EHMT1: variants seen among roughly 807,000 people sequenced by gnomAD.
EHMT1 encodes the protein euchromatic histone lysine methyltransferase 1.
In EHMT1, 15 loss-of-function variants were observed where a neutral mutation model predicts 147.2. That is an observed-to-expected ratio of 0.10 (90% CI 0.07 to 0.16). The LOEUF is 0.16. Ranked by LOEUF, EHMT1 falls within the 10% of genes least tolerant of loss-of-function variation. The pLI, the probability that EHMT1 is intolerant of heterozygous loss-of-function variation, is 1.00. For synonymous variants in EHMT1, 795 were observed against 709.6 expected (o/e 1.12, Z -1.91); for missense variants, 1,587 against 1,772.4 (o/e 0.90, Z 1.88).
chr9:137,663,447 G>A (rs1939296992), intron 1 of EHMT1, among the ~76,000 whole-genome samples: 1 of 152,038 alleles, frequency 6.6e-6, no homozygotes, highest in African/African-American at 2.4e-5. Flanking sequence ...GTGCTGGAGT[G>A]GACTGCTCAG....
chr9:137,796,857 A>G (rs552396080), intron 16 of EHMT1, among the ~76,000 whole-genome samples: 2 of 134,750 alleles, frequency 1.5e-5, no homozygotes, highest in South Asian at 5.0e-4. Context: ...ATTCCATACA[A>G]CGTAACAGGT....
At chr9:137,817,220 A>T in intron 23 of EHMT1, 1 of 619,002 alleles carries the variant, frequency 1.6e-6, no homozygotes, top group Non-Finnish European at 2.9e-6. Context: ...TGACTTGCCG[A>T]GGTTGTGGGC....
chr9:137,825,971 GTTGTTGAATT>G (rs1359931007), intron 25 of EHMT1, among the ~76,000 whole-genome samples: 1 of 152,152 alleles, frequency 6.6e-6, no homozygotes, highest in African/African-American at 2.4e-5. Context: ...TTCATGAATT[GTTGTTGAATT>G]TTGTTGAACA....
rs541921359 is a variant in EHMT1 at position 137,747,054 on chromosome 9, G to T, written c.1170+2964G>T. 3 of 152,334 alleles carry T rather than the reference G, an allele frequency of 2.0e-5. No homozygotes were observed. In the East Asian group the frequency reaches 5.8e-4, roughly 29 times the overall value. 9.4% of individuals were successfully genotyped at this position (152,334 alleles called of 1,614,324 possible). On this transcript the variant is annotated intron_variant, in intron 6 of 26. Transcript: ENST00000460843. Reference sequence around the variant, plus strand: ...CAATCAACAGTGATAGTTTCGTTACGTAAGTGGCTCCAGAGAATAGAGAAG... The same window carrying T: ...CAATCAACAGTGATAGTTTCGTTACTTAAGTGGCTCCAGAGAATAGAGAAG...
At chr9:137,712,532 G>A (rs774655216) in intron 2 of EHMT1, among the ~76,000 whole-genome samples, 8 of 152,152 alleles carry the variant, frequency 5.3e-5, no homozygotes, top group Non-Finnish European at 8.8e-5. Flanking sequence ...TTTTCCTGAC[G>A]GCCAGTGATG....
chr9:137,711,143 G>GGT, intron 2 of EHMT1, 113 bp downstream of exon 2: 1 of 1,119,128 alleles, frequency 8.9e-7, no homozygotes, highest in Non-Finnish European at 1.3e-6. Context: ...GCTTCACCTA[G>GGT]GTTTATGGTA....
chr9:137,781,777 TA>T (rs1951575489), intron 14 of EHMT1, among the ~76,000 whole-genome samples: 2 of 152,210 alleles, frequency 1.3e-5, no homozygotes, highest in Admixed American at 6.5e-5. Context: ...TATTTGCTTT[TA>T]AAGAAAGGTT....
intron 25 of EHMT1, among the ~76,000 whole-genome samples, chr9:137,829,912 T>A (rs919705047): frequency 6.6e-6 from 1 of 152,228 alleles, no homozygotes; most frequent in African/African-American, 2.4e-5. Flanking sequence ...TTAACAGACA[T>A]TCTTCTGTTT....
intron 1 of EHMT1, among the ~76,000 whole-genome samples, chr9:137,671,727 C>T (rs544925450): frequency 9.2e-5 from 14 of 152,154 alleles, no homozygotes; most frequent in Admixed American, 6.5e-4. Context: ...GGGGTTTTGC[C>T]GTGTTGCCCA....
At chr9:137,778,640 C>T (rs908157156) in intron 13 of EHMT1, among the ~76,000 whole-genome samples, 3 of 152,152 alleles carry the variant, frequency 2.0e-5, no homozygotes, top group Non-Finnish European at 2.9e-5. Context: ...AGGCCCTGCT[C>T]GCTGACCAGA....
At chr9:137,631,560 A>T (rs1843632921) in intron 1 of EHMT1, among the ~76,000 whole-genome samples, 1 of 152,152 alleles carries the variant, frequency 6.6e-6, no homozygotes, top group South Asian at 2.1e-4. Context: ...GGCAGACCAC[A>T]TACATGAAGG....
At position 137,752,316 on chromosome 9, in the gene EHMT1, T is replaced by C. The variant is rs745619662; in HGVS notation, c.1171-15T>C. The C allele has an allele frequency of 6.2e-6, 10 of 1,614,032 alleles. No individual in the cohort carries two copies. The highest frequency in any genetic ancestry group is 2.2e-5 in the East Asian group (1 of 44,874). ...TTTCTGTTTGGGTTCCCGCTTCGACTGTGTGGCTGATCAGATGGACGGGGA... is the reference window on the plus strand; with the variant it reads ...TTTCTGTTTGGGTTCCCGCTTCGACCGTGTGGCTGATCAGATGGACGGGGA... On this transcript the variant is annotated splice_polypyrimidine_tract_variant and intron_variant, in intron 6 of 26. Coordinates refer to ENST00000460843, the MANE Select transcript of EHMT1 (RefSeq NM_024757.5).
intron 25 of EHMT1, among the ~76,000 whole-genome samples, chr9:137,833,885 C>T (rs1588944636): frequency 6.6e-6 from 1 of 152,262 alleles, no homozygotes; most frequent in African/African-American, 2.4e-5. Context: ...GGGGACTGCT[C>T]CGCCTCCTCG....
chr9:137,711,973 G>A (rs548065524), intron 2 of EHMT1, among the ~76,000 whole-genome samples: 136 of 152,258 alleles, frequency 8.9e-4, no homozygotes, highest in Middle Eastern at 3.4e-3. Context: ...AGATGGCCTC[G>A]CTGTGCCTGT....
intron 1 of EHMT1, among the ~76,000 whole-genome samples, chr9:137,655,471 C>T (rs1013667307): frequency 2.0e-5 from 3 of 152,192 alleles, no homozygotes; most frequent in Non-Finnish European, 2.9e-5. Flanking sequence ...AGATAAAATA[C>T]GTTGCATATA....
At chr9:137,717,214 T>A in intron 3 of EHMT1, 32 bp downstream of exon 3, 1 of 1,608,184 alleles carries the variant, frequency 6.2e-7, no homozygotes, top group Non-Finnish European at 8.5e-7. Flanking sequence ...CTGTTTCCTT[T>A]TTCCCATCTC....
At chr9:137,815,848 G>A (rs571354523) in intron 22 of EHMT1, 99 bp from the exon 23 acceptor site, 31 of 1,041,442 alleles carry the variant, frequency 3.0e-5, no homozygotes, top group East Asian at 2.3e-4. Context: ...TTTTATGTCC[G>A]TTTAAGCCAC....
Position 137,775,377 on chromosome 9 carries a change from C to A in EHMT1, c.1791+125C>A. ...CAGCAGCTGGCCCAGGTCTGGTGTC[C>A]GTCTGGAGGTCTCCAGTGTTCACAA... is the stretch of plus-strand genomic sequence containing the variant. On this transcript the variant is annotated intron_variant, in intron 11 of 26. Coordinates refer to ENST00000460843, the MANE Select transcript of EHMT1 (RefSeq NM_024757.5). The surrounding 1 kb of genome is among the most constrained non-coding windows in gnomAD (Gnocchi z 6.1). 1 of 1,396,232 alleles carries A rather than the reference C, an allele frequency of 7.2e-7. No individual in the cohort carries two copies. Among genetic ancestry groups the A allele is most frequent in the South Asian group, 1.3e-5 (1 of 78,784 alleles). 86.5% of individuals were successfully genotyped at this position (1,396,232 alleles called of 1,614,324 possible).
chr9:137,687,562 G>A (rs529014223), intron 1 of EHMT1, among the ~76,000 whole-genome samples: 6 of 152,190 alleles, frequency 3.9e-5, no homozygotes, highest in Non-Finnish European at 8.8e-5. Flanking sequence ...AAACCAAGGT[G>A]TTAGTGTTAG....
Sources: gnomAD v4.1 joint callset for allele counts (sites outside exome capture counted in the v4.1 genomes callset) on GRCh38, gnomAD v4.1.1 for gene constraint, Gnocchi (gnomAD v3.1) non-coding constraint, MANE v1.5 for transcripts, NCBI Gene and HGNC (gene_info 2026-07-23, HGNC 2026-07-21) for gene names.